Variants in PTPRG observed in about 807,000 individuals in gnomAD.
The protein encoded by PTPRG is receptor-type tyrosine-protein phosphatase gamma.
In PTPRG, 102 loss-of-function variants were observed where a neutral mutation model predicts 165.3. The ratio of observed to expected loss-of-function variants is 0.62; its 90% confidence interval spans 0.53 to 0.73. PTPRG has a LOEUF of 0.73. Among genes scored for constraint, PTPRG ranks in the 30% least tolerant of loss-of-function variants. The pLI, the probability that PTPRG is intolerant of heterozygous loss-of-function variation, is 0.00. For synonymous variants in PTPRG, 675 were observed against 669.5 expected (o/e 1.01, Z -0.13); for missense variants, 1,866 against 1,861.4 (o/e 1.00, Z -0.05).
chr3:61,852,995 A>T (rs1349811253), intron 2 of PTPRG, among the ~76,000 whole-genome samples: 1 of 152,148 alleles, frequency 6.6e-6, no homozygotes, highest in Non-Finnish European at 1.5e-5. Flanking sequence ...GCATCTGTTC[A>T]TCTAAATTCC....
At position 62,217,383 on chromosome 3, in the gene PTPRG, A is replaced by G. The variant is rs1328804276; in HGVS notation, c.2156-1468A>G. On this transcript the variant is annotated intron_variant, in intron 12 of 29. Coordinates refer to ENST00000474889, the MANE Select transcript of PTPRG (RefSeq NM_002841.4). The surrounding 1 kb of genome is among the most constrained non-coding windows in gnomAD (Gnocchi z 4.3). ...TGGTCAACATCAAATGCATTAGAGG[A>G]AATCCAGTGAAACGCATCGTAACAC... 6.6e-6 allele frequency among the ~76,000 whole-genome samples: 1 copy of G among 152,156 alleles called. No homozygotes were observed. Among genetic ancestry groups the G allele is most frequent in the Non-Finnish European group, 1.5e-5 (1 of 68,022 alleles).
At chr3:61,983,410 C>T (rs1453492474) in intron 2 of PTPRG, among the ~76,000 whole-genome samples, 1 of 152,024 alleles carries the variant, frequency 6.6e-6, no homozygotes, top group Non-Finnish European at 1.5e-5. Context: ...AGCCTGGATT[C>T]AGGTAATATT....
chr3:62,119,226 C>T (rs1702972954), intron 5 of PTPRG, among the ~76,000 whole-genome samples: 2 of 152,228 alleles, frequency 1.3e-5, no homozygotes, highest in South Asian at 4.1e-4. Flanking sequence ...CCTGGATTTC[C>T]TCAGCTGACG....
intron 4 of PTPRG, among the ~76,000 whole-genome samples, chr3:62,021,236 T>C (rs1222535967): frequency 1.3e-5 from 2 of 152,236 alleles, no homozygotes; most frequent in African/African-American, 2.4e-5. Context: ...GTGGATGCAA[T>C]ACATTGTTGG....
chr3:62,174,431 T>C (rs1705337496), intron 8 of PTPRG, among the ~76,000 whole-genome samples: 1 of 152,202 alleles, frequency 6.6e-6, no homozygotes, highest in Non-Finnish European at 1.5e-5. Flanking sequence ...GTTTTTTTGG[T>C]GAGTGTTTTT....
intron 4 of PTPRG, among the ~76,000 whole-genome samples, chr3:62,075,761 C>G (rs1009879046): frequency 6.6e-6 from 1 of 151,918 alleles, no homozygotes; most frequent in African/African-American, 2.4e-5. Context: ...TATTGTTCAC[C>G]GTCAAATCTC....
chr3:62,037,312 T>A (rs992845985), intron 4 of PTPRG, among the ~76,000 whole-genome samples: 10 of 152,338 alleles, frequency 6.6e-5, no homozygotes, highest in African/African-American at 2.4e-4. Flanking sequence ...TGTCTCTTGA[T>A]GTCATACTTC....
chr3:62,077,497 G>A (rs544566531), intron 4 of PTPRG, among the ~76,000 whole-genome samples: 1 of 152,104 alleles, frequency 6.6e-6, no homozygotes, highest in Non-Finnish European at 1.5e-5. Context: ...AAAATAATGT[G>A]TGGGTTAGCT....
At chr3:61,592,532 T>G (rs1340473969) in intron 1 of PTPRG, among the ~76,000 whole-genome samples, 1 of 152,160 alleles carries the variant, frequency 6.6e-6, no homozygotes, top group African/African-American at 2.4e-5. Flanking sequence ...AGCATGCAAT[T>G]TTTGTTTTTA....
chr3:61,821,996 C>T (rs1559631358), intron 2 of PTPRG, among the ~76,000 whole-genome samples: 1 of 152,228 alleles, frequency 6.6e-6, no homozygotes, highest in Non-Finnish European at 1.5e-5. Flanking sequence ...AGTAATCTAT[C>T]TTCCTCCTTC....
At chr3:62,179,777 A>AG (rs1705577109) in intron 8 of PTPRG, among the ~76,000 whole-genome samples, 1 of 152,224 alleles carries the variant, frequency 6.6e-6, no homozygotes, top group African/African-American at 2.4e-5. Context: ...ACCTGAGGGC[A>AG]GTACCAGGTG....
chr3:62,257,783 T>C (rs980555787), intron 16 of PTPRG, among the ~76,000 whole-genome samples: 1 of 152,152 alleles, frequency 6.6e-6, no homozygotes, highest in Non-Finnish European at 1.5e-5. Context: ...AGCAAGACTC[T>C]GTCTCTACAA....
At chr3:62,003,185 T>G (rs1056460497) in intron 3 of PTPRG, among the ~76,000 whole-genome samples, 164 bp from the exon 4 acceptor site, 1 of 152,206 alleles carries the variant, frequency 6.6e-6, no homozygotes, top group African/African-American at 2.4e-5. Flanking sequence ...GCAGCTAGAA[T>G]GAACTAATTT....
At position 61,836,876 on chromosome 3, in the gene PTPRG, C is replaced by G. The variant is rs1023729265; in HGVS notation, c.190+87894C>G. On this transcript the variant is annotated intron_variant, in intron 2 of 29. Transcript: ENST00000474889. ...TCTCCTGCGTCAGCCTCCCTAGTAGCTGGGACTACAGGCACACGCCACCAG... is the reference window on the plus strand; with the variant it reads ...TCTCCTGCGTCAGCCTCCCTAGTAGGTGGGACTACAGGCACACGCCACCAG... Among the ~76,000 whole-genome samples, 6 of 151,584 alleles carry G rather than the reference C, an allele frequency of 4.0e-5. 1 individual carries two copies. The highest frequency in any genetic ancestry group is 2.6e-4 in the Admixed American group (4 of 15,214).
In PTPRG at chr3:61,965,287, G is replaced by A. The variant is rs978001249; in HGVS notation, c.191-24338G>A. The stretch of plus-strand genomic sequence containing the variant: ...CAGAATGACTACAGTGTTAAGCTAC[G>A]GTGGCTCACACCCAACATGGTGAAA... On this transcript the variant is annotated intron_variant, in intron 2 of 29. Coordinates refer to ENST00000474889, the MANE Select transcript of PTPRG (RefSeq NM_002841.4). Among the ~76,000 whole-genome samples the A allele has an allele frequency of 9.4e-5, 14 of 149,728 alleles. No homozygotes were observed. In the South Asian group the frequency reaches 1.3e-3, roughly 14 times the overall value.
chr3:61,839,516 C>T (rs2036559587), intron 2 of PTPRG, among the ~76,000 whole-genome samples: 1 of 152,140 alleles, frequency 6.6e-6, no homozygotes, highest in South Asian at 2.1e-4. Context: ...GCTCCAAGAG[C>T]CACAGCTTAA....
chr3:61,796,507 C>A (rs552056781), intron 2 of PTPRG, among the ~76,000 whole-genome samples: 1 of 152,262 alleles, frequency 6.6e-6, no homozygotes, highest in Admixed American at 6.5e-5. Flanking sequence ...ACAGCAGCTG[C>A]CTAGGAAGGA....
intron 6 of PTPRG, among the ~76,000 whole-genome samples, chr3:62,156,408 C>T (rs535699602): frequency 3.2e-4 from 49 of 152,194 alleles, no homozygotes; most frequent in Admixed American, 6.5e-5. Flanking sequence ...ACTTAAATAT[C>T]ATTTCTTCTG....
intron 4 of PTPRG, among the ~76,000 whole-genome samples, chr3:62,018,424 A>G (rs1472349969): frequency 6.6e-6 from 1 of 152,206 alleles, no homozygotes; most frequent in African/African-American, 2.4e-5. Flanking sequence ...GTTTACTAGA[A>G]TCCCACAATG....
Sources: allele counts gnomAD v4.1 joint callset (sites outside exome capture counted in the v4.1 genomes callset), GRCh38; gene constraint gnomAD v4.1.1; non-coding constraint Gnocchi (gnomAD v3.1); transcripts MANE v1.5; gene names NCBI Gene and HGNC (gene_info 2026-07-23, HGNC 2026-07-21).